The following PRELID3A variants were observed in gnomAD, a reference collection of about 807,000 sequenced individuals.
PRELID3A encodes the protein PRELI domain containing 3A.
A neutral mutation model predicts 23.0 loss-of-function variants in PRELID3A; 27 were observed. The observed-to-expected ratio is 1.17, with a 90% CI of 0.87 to 1.62. The LOEUF (loss-of-function observed/expected upper bound fraction) is 1.62, where lower values mean the gene tolerates loss of function less well. Among genes scored for constraint, PRELID3A ranks in the 40% most tolerant of loss-of-function variants. PRELID3A has a pLI of 0.00. For missense variants in PRELID3A, 231 were observed against 231.4 expected (o/e 1.00, Z 0.01); for synonymous variants, 87 against 86.4 (o/e 1.01, Z -0.04).
At chr18:12,428,738 C>T (rs540181612) in intron 5 of PRELID3A, among the ~76,000 whole-genome samples, 1 of 152,202 alleles carries the variant, frequency 6.6e-6, no homozygotes, top group South Asian at 2.1e-4. Flanking sequence ...GACCGGATCT[C>T]ACCCATCGTT....
chr18:12,416,856 A>C (rs1322444073), intron 1 of PRELID3A, among the ~76,000 whole-genome samples: 1 of 151,954 alleles, frequency 6.6e-6, no homozygotes, highest in Admixed American at 6.6e-5. Context: ...CGTGTTAGCC[A>C]GGATGGTCTC....
chr18:12,429,364 C>G lies in PRELID3A; in HGVS notation c.480C>G (p.Ile160Met), dbSNP rs143717130. The change falls in exon 6 of 7, where the codon ATC becomes ATG. Residue 160 changes from isoleucine to methionine, a missense_variant. By Grantham distance (10) the Ile-to-Met change is conservative (BLOSUM62 1). Transcript: ENST00000440960. ...SSNAKKGWAA[I>M]EWIIEHSESA... is the part of the protein sequence containing the mutation. ...CTGTGTTGCAGGGGTGGGCTGCTAT[C>G]GAGTGGATAATTGAACACTCTGAAA... The G allele has an allele frequency of 1.9e-6, 3 of 1,613,590 alleles. No homozygotes were observed. Among genetic ancestry groups the G allele is most frequent in the African/African-American group, 2.7e-5 (2 of 74,904 alleles).
intron 5 of PRELID3A, among the ~76,000 whole-genome samples, chr18:12,428,522 C>T (rs986454729): frequency 3.3e-5 from 5 of 152,182 alleles, no homozygotes; most frequent in Non-Finnish European, 5.9e-5. Context: ...ACTTCCCTTT[C>T]CAATGTCCTT....
rs149946999 is a variant in PRELID3A at position 12,426,608 on chromosome 18, C to T, written c.292-433C>T. On this transcript the variant is annotated intron_variant, in intron 3 of 6. Transcript: ENST00000440960. ...AAGGAGTTAGTCTGTTTATAGGAAGCGGTACTGGAGGAGACAAGAACCCTG... is the reference window on the plus strand; with the variant it reads ...AAGGAGTTAGTCTGTTTATAGGAAGTGGTACTGGAGGAGACAAGAACCCTG... Among the ~76,000 whole-genome samples, 26 of 147,308 alleles carry T rather than the reference C, an allele frequency of 1.8e-4. No individual in the cohort carries two copies. In the East Asian group the frequency reaches 2.6e-3, roughly 15 times the overall value.
At position 12,426,563 on chromosome 18, in the gene PRELID3A, A is replaced by AAAAAAAAG. The variant is rs67993774; in HGVS notation, c.292-475_292-474insAAAAGAAA. On this transcript the variant is annotated intron_variant, in intron 3 of 6. Coordinates refer to ENST00000440960, the MANE Select transcript of PRELID3A (RefSeq NM_001142405.2). ...AGTGAGACTCCATCTCAAAAAAAAAAAAAGTATAAATATGTACATAAGGAG... is the reference window on the plus strand; with the variant it reads ...AGTGAGACTCCATCTCAAAAAAAAAAAAAAAAAGAAAGTATAAATATGTACATAAGGAG... Among the ~76,000 whole-genome samples, 50 of 87,712 alleles carry AAAAAAAAG rather than the reference A, an allele frequency of 5.7e-4. 2 individuals carry two copies. The highest frequency in any genetic ancestry group is 2.4e-3 in the East Asian group (6 of 2,492). The allele number at this position is 87,712 out of a possible 152,430, so 57.5% of individuals were successfully genotyped here.
chr18:12,407,963 T>G lies in PRELID3A; in HGVS notation c.-13T>G, dbSNP rs919340483. 4 of 1,294,910 alleles carry G rather than the reference T, an allele frequency of 3.1e-6. No individual in the cohort carries two copies. Among genetic ancestry groups the G allele is most frequent in the Admixed American group, 4.0e-5 (1 of 25,198 alleles). The allele number at this position is 1,294,910 out of a possible 1,614,324, so 80.2% of individuals were successfully genotyped here. On this transcript the variant is annotated 5_prime_UTR_variant, in exon 1 of 7. Transcript: ENST00000440960. ...GGCCCGGATCGCAGAGCCCGCGCCCTGCGCCGGCGGCAATGAAGATCTGGA... is the reference window on the plus strand; with the variant it reads ...GGCCCGGATCGCAGAGCCCGCGCCCGGCGCCGGCGGCAATGAAGATCTGGA...
intron 1 of PRELID3A, among the ~76,000 whole-genome samples, chr18:12,412,251 G>T (rs561598045): frequency 6.7e-6 from 1 of 149,504 alleles, no homozygotes; most frequent in Non-Finnish European, 1.5e-5. Flanking sequence ...GCAGTGGCGG[G>T]ATCTCAGTTC....
intron 1 of PRELID3A, among the ~76,000 whole-genome samples, chr18:12,410,233 G>T (rs1231130850): frequency 1.3e-5 from 2 of 152,232 alleles, no homozygotes; most frequent in Admixed American, 6.5e-5. Context: ...CGCCTAGCAG[G>T]TGCTCGGAAG....
intron 3 of PRELID3A, among the ~76,000 whole-genome samples, chr18:12,424,239 G>T (rs879409455): frequency 6.6e-6 from 1 of 152,156 alleles, no homozygotes; most frequent in African/African-American, 2.4e-5. Flanking sequence ...AGAAAACTCA[G>T]TTGTATGTAA....
In PRELID3A at chr18:12,420,944, C is replaced by T. The variant is rs1047632069; in HGVS notation, c.201+451C>T. Among the ~76,000 whole-genome samples, 10 of 152,244 alleles carry T rather than the reference C, an allele frequency of 6.6e-5. No homozygotes were observed. In the East Asian group the frequency reaches 1.9e-3, roughly 29 times the overall value. On this transcript the variant is annotated intron_variant, in intron 2 of 6. Coordinates refer to ENST00000440960, the MANE Select transcript of PRELID3A (RefSeq NM_001142405.2). ...CCAGGCGCCCCTCCTCCTGGTTTAA[C>T]CGCCTCTAAAGCCCAGCGTCCGCAG...
chr18:12,415,335 C>T (rs911938486), intron 1 of PRELID3A, among the ~76,000 whole-genome samples: 1 of 151,946 alleles, frequency 6.6e-6, no homozygotes, highest in Non-Finnish European at 1.5e-5. Context: ...TCTTGGCTCA[C>T]AGCAACCTCT....
intron 2 of PRELID3A, among the ~76,000 whole-genome samples, chr18:12,420,930 TCCTCCTGGTTTAACCG>T (rs2030158431): frequency 2.0e-5 from 3 of 151,838 alleles, no homozygotes; most frequent in Middle Eastern, 3.2e-3. Context: ...CAGGCGCCCC[TCCTCCTGGTTTAACCG>T]CCTCTAAAGC....
chr18:12,418,121 T>C (rs1160133907), intron 1 of PRELID3A, among the ~76,000 whole-genome samples: 1 of 152,220 alleles, frequency 6.6e-6, no homozygotes, highest in Non-Finnish European at 1.5e-5. Context: ...ACCTCAAATA[T>C]GGAAGAAAAA....
chr18:12,428,858 A>G (rs1055107869), intron 5 of PRELID3A, among the ~76,000 whole-genome samples: 1 of 152,218 alleles, frequency 6.6e-6, no homozygotes, highest in Non-Finnish European at 1.5e-5. Flanking sequence ...CTTTTATGTG[A>G]AAAATTTGGG....
rs1051600973 is a variant in PRELID3A, at chr18:12,419,924, G to A, written c.33-401G>A. On this transcript the variant is annotated intron_variant, in intron 1 of 6. Transcript: ENST00000440960. ...GGCCTGGGTGACAGAGCAAGACTCC[G>A]TCTCAAACAAAAAAGTCATTCAGGT... The A allele has an allele frequency of 4.4e-5, 8 of 182,734 alleles. No individual in the cohort carries two copies. In the East Asian group the frequency reaches 1.1e-3, roughly 25 times the overall value. The allele number at this position is 182,734 out of a possible 1,614,324, so 11.3% of individuals were successfully genotyped here.
Position 12,415,631 on chromosome 18 carries a change from G to C in PRELID3A, c.33-4694G>C, listed in dbSNP as rs143588427. Among the ~76,000 whole-genome samples the C allele has an allele frequency of 3.4e-3, 525 of 152,254 alleles. 2 individuals are homozygous for C. The highest frequency in any genetic ancestry group is 7.9e-3 in the South Asian group (38 of 4,820). On this transcript the variant is annotated intron_variant, in intron 1 of 6. Coordinates refer to ENST00000440960, the MANE Select transcript of PRELID3A (RefSeq NM_001142405.2). ...AAACATGGAGAGACTAGAATACTGA[G>C]AGCCGGTGCCACCCCCAGCTTAACA... is the stretch of plus-strand genomic sequence containing the variant.
intron 1 of PRELID3A, among the ~76,000 whole-genome samples, chr18:12,416,768 C>G (rs148793829): frequency 6.6e-6 from 1 of 151,916 alleles, no homozygotes; most frequent in Non-Finnish European, 1.5e-5. Context: ...GCCTCAGCCT[C>G]CCGAGTAGCT....
intron 2 of PRELID3A, among the ~76,000 whole-genome samples, chr18:12,420,883 C>T (rs2030156639): frequency 6.6e-6 from 1 of 151,806 alleles, no homozygotes; most frequent in Admixed American, 6.6e-5. Context: ...CCCCATCTGT[C>T]CTCCCAAAGG....
chr18:12,427,815 C>G (rs2077594125), intron 5 of PRELID3A, among the ~76,000 whole-genome samples: 1 of 151,744 alleles, frequency 6.6e-6, no homozygotes, highest in Non-Finnish European at 1.5e-5. Context: ...AAGGCTGACC[C>G]AGGTCTGAGG....
Sources: allele counts gnomAD v4.1 joint callset (sites outside exome capture counted in the v4.1 genomes callset), GRCh38; gene constraint gnomAD v4.1.1; transcripts MANE v1.5; gene names NCBI Gene and HGNC (gene_info 2026-07-23, HGNC 2026-07-21).